GLYAT: variants seen among roughly 807,000 people sequenced by gnomAD.
GLYAT encodes glycine N-acyltransferase.
In GLYAT, 25 loss-of-function variants were observed where a neutral mutation model predicts 22.8. The ratio of observed to expected loss-of-function variants is 1.09; its 90% CI spans 0.80 to 1.53. The LOEUF is 1.53. GLYAT is among the 40% of genes most tolerant of loss of function. The pLI is 0.00. For missense variants in GLYAT, 411 were observed against 353.9 expected (o/e 1.16, Z -1.29); for synonymous variants, 140 against 122.7 (o/e 1.14, Z -0.93).
In GLYAT at chr11:58,710,591, T is replaced by C. The variant is rs758065250; in HGVS notation, c.487A>G (p.Ile163Val). 5.0e-6 allele frequency: 8 copies of C among 1,594,088 alleles called. No individual in the cohort carries two copies. In the Admixed American group the frequency reaches 1.3e-4, roughly 27 times the overall value. ...LSPNGGKPKA[I>V]NQEMFKLSSM... is the part of the protein sequence containing the mutation. ...TAGACTGGATTTTATCAAACTCACA[T>C]GGCCTTGGGTTTGCCACCATTGGGA... is the stretch of plus-strand genomic sequence containing the variant. Residue 163 changes from isoleucine to valine, a missense_variant and splice_region_variant, in exon 5 of 6, where the codon ATC (isoleucine) becomes GTC (valine). Coordinates refer to ENST00000344743, the MANE Select transcript of GLYAT (RefSeq NM_201648.3).
Position 58,724,510 on chromosome 11 carries a change from G to A in GLYAT, c.-14C>T. On this transcript the variant is annotated splice_region_variant and 5_prime_UTR_variant, in exon 2 of 6. Coordinates refer to ENST00000344743, the MANE Select transcript of GLYAT (RefSeq NM_201648.3). ...TGGTAACATCATGGAGGATACCTTA[G>A]CCTAGAAAGACAACCAAGGAACATA... 6.5e-7 allele frequency: 1 copy of A among 1,544,548 alleles called. No homozygotes were observed. Among genetic ancestry groups the A allele is most frequent in the Non-Finnish European group, 8.9e-7 (1 of 1,123,844 alleles).
intron 1 of GLYAT, among the ~76,000 whole-genome samples, chr11:58,731,152 G>C (rs538669740): frequency 6.6e-6 from 1 of 152,204 alleles, no homozygotes; most frequent in Admixed American, 6.5e-5. Flanking sequence ...CTGTATTCTT[G>C]TCTTATTGAT....
intron 2 of GLYAT, among the ~76,000 whole-genome samples, chr11:58,715,629 G>A (rs989468022): frequency 6.6e-6 from 1 of 152,056 alleles, no homozygotes; most frequent in Admixed American, 6.6e-5. Flanking sequence ...TTAAAATCAG[G>A]CCACTTGTCC....
intron 2 of GLYAT, among the ~76,000 whole-genome samples, chr11:58,717,069 G>T (rs545435832): frequency 2.6e-5 from 4 of 152,248 alleles, no homozygotes; most frequent in African/African-American, 7.2e-5. Context: ...TGAATAGAAT[G>T]GGAGACAAGT....
rs1434712127 is a variant in GLYAT, at chr11:58,710,588, A to AC, written c.488+1dup. The AC allele has an allele frequency of 1.3e-6, 2 of 1,591,816 alleles. No individual in the cohort carries two copies. Among genetic ancestry groups the AC allele is most frequent in the African/African-American group, 2.7e-5 (2 of 74,664 alleles). ...GTATAGACTGGATTTTATCAAACTC[A>AC]CATGGCCTTGGGTTTGCCACCATTG... On this transcript the variant is annotated splice_donor_variant, in intron 5 of 5. Transcript: ENST00000344743. LOFTEE classifies it high-confidence loss of function.
chr11:58,711,943 C>T (rs547804799), intron 4 of GLYAT, among the ~76,000 whole-genome samples: 19 of 152,308 alleles, frequency 1.2e-4, no homozygotes, highest in South Asian at 2.1e-4. Context: ...AGCCTGCTAG[C>T]GACACATGTT....
chr11:58,728,801 T>C (rs1415100374), intron 1 of GLYAT: 1 of 112,542 alleles, frequency 8.9e-6, no homozygotes, highest in East Asian at 2.5e-4. Context: ...AACAGAGAGA[T>C]GAGAGAGAGA....
intron 2 of GLYAT, among the ~76,000 whole-genome samples, chr11:58,718,836 T>C (rs1447219555): frequency 6.6e-6 from 1 of 151,934 alleles, no homozygotes; most frequent in Non-Finnish European, 1.5e-5. Flanking sequence ...AAAGATACAA[T>C]TGACAAGAAA....
chr11:58,709,371 A>AGAAAGG lies in GLYAT; in HGVS notation c.*394_*395insCCTTTC, dbSNP rs3833749. On this transcript the variant is annotated 3_prime_UTR_variant, in exon 6 of 6. Transcript: ENST00000344743. ...TTGTTGATCATAAGGGAAAGGCTTT[A>AGAAAGG]GAAAGAAAGAAGTCATAGTGCTCAG... 0.76 allele frequency: 123,367 copies of AGAAAGG among 162,400 alleles called. 47,505 individuals are homozygous for AGAAAGG. The highest frequency in any genetic ancestry group is 0.9 in the Middle Eastern group (282 of 312). The allele number at this position is 162,400 out of a possible 1,614,324, so 10.1% of individuals were successfully genotyped here.
chr11:58,724,796 T>A (rs1333044928), intron 1 of GLYAT, among the ~76,000 whole-genome samples: 1 of 152,160 alleles, frequency 6.6e-6, no homozygotes, highest in Non-Finnish European at 1.5e-5. Context: ...GAATTTTAGT[T>A]GCTATTAGTG....
intron 4 of GLYAT, among the ~76,000 whole-genome samples, chr11:58,711,064 G>T (rs890763438): frequency 2.0e-5 from 3 of 152,152 alleles, no homozygotes; most frequent in Non-Finnish European, 2.9e-5. Flanking sequence ...TGTACTTTGT[G>T]TTCTTAGCTC....
intron 2 of GLYAT, among the ~76,000 whole-genome samples, chr11:58,723,239 T>C (rs1329273557): frequency 1.3e-5 from 2 of 151,986 alleles, no homozygotes; most frequent in Non-Finnish European, 2.9e-5. Flanking sequence ...TTAACTAATA[T>C]GCCTTCCAAA....
chr11:58,724,475 C>A lies in GLYAT; in HGVS notation c.22G>T (p.Ala8Ser). Residue 8 changes from alanine to serine, a missense_variant, in exon 2 of 6, where the codon GCC (alanine) becomes TCC (serine). Transcript: ENST00000344743. ...TTCTCCAGCATCTGCAGCATCTGGGCACCTTGCAATGGTAACATCATGGAG... is the reference window on the plus strand; with the variant it reads ...TTCTCCAGCATCTGCAGCATCTGGGAACCTTGCAATGGTAACATCATGGAG... Reference protein sequence around the residue: MMLPLQGAQMLQMLEKSL... With the variant: MMLPLQGSQMLQMLEKSL... 6.2e-7 allele frequency: 1 copy of A among 1,606,462 alleles called. No homozygotes were observed. Among genetic ancestry groups the A allele is most frequent in the Non-Finnish European group, 8.5e-7 (1 of 1,174,210 alleles).
intron 4 of GLYAT, 93 bp downstream of exon 4, chr11:58,712,667 A>T: frequency 9.5e-7 from 1 of 1,050,056 alleles, no homozygotes; most frequent in Non-Finnish European, 1.5e-6. Context: ...GCAGGCTGGG[A>T]GTCTGGAGCT....
intron 2 of GLYAT, among the ~76,000 whole-genome samples, chr11:58,722,739 A>T (rs1361408676): frequency 6.6e-6 from 1 of 152,120 alleles, no homozygotes; most frequent in Non-Finnish European, 1.5e-5. Context: ...ACTAGTGAAC[A>T]GAACATAGCG....
intron 1 of GLYAT, among the ~76,000 whole-genome samples, chr11:58,730,807 T>C (rs1477035401): frequency 6.6e-6 from 1 of 152,114 alleles, no homozygotes; most frequent in East Asian, 1.9e-4. Context: ...TTTTATAAAG[T>C]CACATGAACA....
At chr11:58,723,769 G>A (rs2134493402) in intron 2 of GLYAT, among the ~76,000 whole-genome samples, 1 of 151,868 alleles carries the variant, frequency 6.6e-6, no homozygotes, top group Admixed American at 6.6e-5. Flanking sequence ...AGTTCTGGAT[G>A]TAGGCATTTA....
chr11:58,726,804 G>T (rs1259114188), intron 1 of GLYAT, among the ~76,000 whole-genome samples: 2 of 152,116 alleles, frequency 1.3e-5, no homozygotes, highest in Admixed American at 1.3e-4. Context: ...ACAGGAGGAA[G>T]TAGGAGGAAG....
chr11:58,718,113 G>A (rs953234768), intron 2 of GLYAT, among the ~76,000 whole-genome samples: 1 of 152,000 alleles, frequency 6.6e-6, no homozygotes, highest in African/African-American at 2.4e-5. Context: ...AGTCAAGTTT[G>A]ATTTCTTAAA....
Sources: allele counts gnomAD v4.1 joint callset (sites outside exome capture counted in the v4.1 genomes callset), GRCh38; gene constraint gnomAD v4.1.1; transcripts MANE v1.5; gene names NCBI Gene and HGNC (gene_info 2026-07-23, HGNC 2026-07-21).